The following AKAP13 variants were observed in gnomAD, a reference collection of about 807,000 sequenced individuals.
AKAP13 encodes the protein A-kinase anchor protein 13.
AKAP13 carries 80 observed loss-of-function variants against 264.5 expected under a neutral mutation model. That is an observed-to-expected ratio of 0.30 (90% CI 0.25 to 0.36). The LOEUF (loss-of-function observed/expected upper bound fraction) is 0.36. Among genes scored for constraint, AKAP13 ranks in the 10% least tolerant of loss-of-function variants. The pLI, the probability that AKAP13 is intolerant of heterozygous loss-of-function variation, is 1.00. For missense variants in AKAP13, 3,712 were observed against 3,435.2 expected, an observed-to-expected ratio of 1.08 and a Z score of -2.01; for synonymous variants, 1,380 against 1,250.2, an observed-to-expected ratio of 1.10 and a Z score of -2.19.
chr15:85,633,979 A>G (rs1270253603), intron 8 of AKAP13, among the ~76,000 whole-genome samples: 2 of 152,128 alleles, frequency 1.3e-5, no homozygotes, highest in Non-Finnish European at 2.9e-5. Context: ...GATATTTTTA[A>G]ATATGTGTAA....
chr15:85,467,427 C>T (rs565796167), intron 1 of AKAP13, among the ~76,000 whole-genome samples: 1 of 152,140 alleles, frequency 6.6e-6, no homozygotes, highest in South Asian at 2.1e-4. Flanking sequence ...ATTAATTGTT[C>T]CTTTAAAGAG....
rs949980581 is a variant in AKAP13 at position 85,744,992 on chromosome 15, C to T, written c.*315C>T. On this transcript the variant is annotated 3_prime_UTR_variant, in exon 37 of 37. Coordinates refer to ENST00000394518, the MANE Select transcript of AKAP13 (RefSeq NM_007200.5). The stretch of plus-strand genomic sequence containing the variant: ...ATGGTTTTGGACACGTCAGGAATTC[C>T]TAAAGGCTGAAAGAGTGTATCCAAG... The T allele has an allele frequency of 1.5e-5, 4 of 265,676 alleles. No homozygotes were observed. The highest frequency in any genetic ancestry group is 8.9e-5 in the African/African-American group (4 of 44,836). 16.5% of individuals were successfully genotyped at this position (265,676 alleles called of 1,614,324 possible).
chr15:85,401,751 TG>T (rs2071429586), intron 1 of AKAP13, among the ~76,000 whole-genome samples: 1 of 152,262 alleles, frequency 6.6e-6, no homozygotes, highest in Admixed American at 6.5e-5. Context: ...CTTAGGGATC[TG>T]GGATAAACAA....
At chr15:85,506,606 CA>C (rs1316224425) in intron 2 of AKAP13, among the ~76,000 whole-genome samples, 3 of 151,984 alleles carry the variant, frequency 2.0e-5, no homozygotes, top group Admixed American at 6.5e-5. Flanking sequence ...AAAAATAAAG[CA>C]GGGCAAGATA....
At position 85,440,222 on chromosome 15, in the gene AKAP13, G is replaced by A. The variant is rs573651627; in HGVS notation, c.-11-45488G>A. On this transcript the variant is annotated intron_variant, in intron 1 of 36. Transcript: ENST00000394518. ...CACACAATGGTCATCTCCTCCCTTT[G>A]CCTTTTCTTTTGACCATGACTAGCA... Among the ~76,000 whole-genome samples the A allele has an allele frequency of 1.7e-3, 253 of 152,120 alleles. 2 individuals are homozygous for A. Among genetic ancestry groups the A allele is most frequent in the African/African-American group, 5.8e-3 (242 of 41,504 alleles).
intron 4 of AKAP13, among the ~76,000 whole-genome samples, chr15:85,539,841 G>A (rs1339961920): frequency 1.3e-5 from 2 of 152,152 alleles, no homozygotes; most frequent in Non-Finnish European, 2.9e-5. Context: ...TAACATTACA[G>A]CATAAAGAAA....
At chr15:85,612,831 AAAAAG>A (rs2080716934) in intron 8 of AKAP13, among the ~76,000 whole-genome samples, 6 of 132,140 alleles carry the variant, frequency 4.5e-5, no homozygotes, top group South Asian at 2.5e-4. Context: ...CTCACAAAAA[AAAAAG>A]AAAAAAAGAA....
intron 6 of AKAP13, among the ~76,000 whole-genome samples, chr15:85,575,652 A>G (rs1441330182): frequency 6.6e-6 from 1 of 152,036 alleles, no homozygotes; most frequent in Non-Finnish European, 1.5e-5. Flanking sequence ...AGATCACGCC[A>G]TTGCACTCTA....
Position 85,710,298 on chromosome 15 carries a change from A to G in AKAP13, c.5533-281A>G, listed in dbSNP as rs2086569037. Reference sequence around the variant, plus strand: ...GAGGAGAGAAGCTATAGATGGCTTTACCAAGGAGGCAACCCTTAAATCGTC... The same window carrying G: ...GAGGAGAGAAGCTATAGATGGCTTTGCCAAGGAGGCAACCCTTAAATCGTC... On this transcript the variant is annotated intron_variant, in intron 18 of 36. Transcript: ENST00000394518. The G allele has an allele frequency of 1.1e-5, 3 of 280,484 alleles. No individual in the cohort carries two copies. The South Asian group carries it at 2.5e-4, about 23-fold the overall frequency. The allele number at this position is 280,484 out of a possible 1,614,324, so 17.4% of individuals were successfully genotyped here.
chr15:85,741,737 AAAAAC>A (rs1411491259), intron 35 of AKAP13, among the ~76,000 whole-genome samples: 47 of 150,272 alleles, frequency 3.1e-4, no homozygotes, highest in Non-Finnish European at 6.1e-4. Context: ...AACAAAAAAA[AAAAAC>A]AGTTTTTAAG....
At chr15:85,416,572 C>T (rs1250027596) in intron 1 of AKAP13, among the ~76,000 whole-genome samples, 3 of 152,178 alleles carry the variant, frequency 2.0e-5, no homozygotes, top group African/African-American at 7.2e-5. Flanking sequence ...TAATTTCTTC[C>T]ATGGCTAACT....
Position 85,581,378 on chromosome 15 carries a change from A to C in AKAP13, c.3310A>C (p.Arg1104=), listed in dbSNP as rs772889442. ...TGCTCTACAAGGTATGGCTGAGCCC[A>C]GAAGAGAGAATATATCACACAACAC... is the stretch of plus-strand genomic sequence containing the variant. ...VNALQGMAEP[R]RENISHNTQD... The change falls in exon 7 of 37, where the codon AGA becomes CGA. Residue 1104 remains arginine (R), a synonymous_variant. Transcript: ENST00000394518. 5.6e-6 allele frequency: 9 copies of C among 1,614,136 alleles called. No homozygotes were observed. The African/African-American group carries it at 8.0e-5, about 14-fold the overall frequency.
chr15:85,683,712 G>C (rs968625551), intron 15 of AKAP13: 3 of 152,048 alleles, frequency 2.0e-5, no homozygotes, highest in African/African-American at 7.3e-5. Context: ...CTCGTGATCC[G>C]CCCACCTCGG....
intron 9 of AKAP13, 42 bp from the exon 10 acceptor site, chr15:85,645,776 T>C: frequency 8.6e-7 from 1 of 1,158,746 alleles, no homozygotes; most frequent in Non-Finnish European, 1.1e-6. Context: ...GGTTTTTTTG[T>C]TTTTTTTTTT....
intron 6 of AKAP13, among the ~76,000 whole-genome samples, chr15:85,575,855 G>A (rs953210360): frequency 1.1e-4 from 17 of 152,194 alleles, no homozygotes; most frequent in African/African-American, 1.7e-4. Flanking sequence ...GCATGGTGGC[G>A]TACGCCTATA....
At position 85,693,080 on chromosome 15, in the gene AKAP13, G is replaced by A. The variant is rs572328527; in HGVS notation, c.5290-197G>A. 5.8e-5 allele frequency: 55 copies of A among 954,280 alleles called. 1 individual carries two copies. In the South Asian group the frequency reaches 1.1e-3, roughly 19 times the overall value. 59.1% of individuals were successfully genotyped at this position (954,280 alleles called of 1,614,324 possible). On this transcript the variant is annotated intron_variant, in intron 16 of 36. Transcript: ENST00000394518. The stretch of plus-strand genomic sequence containing the variant: ...TGTTCCGCCTGCCCAGTTTTCGTGT[G>A]AATTTTCTAATGTAGCTTGCGTGCC...
intron 16 of AKAP13, among the ~76,000 whole-genome samples, chr15:85,692,036 C>T (rs1488210060): frequency 1.3e-5 from 2 of 152,076 alleles, no homozygotes; most frequent in Non-Finnish European, 2.9e-5. Flanking sequence ...TGGTATCTAG[C>T]TTGAGGAACA....
chr15:85,512,056 T>C (rs2076442880), intron 2 of AKAP13, among the ~76,000 whole-genome samples: 2 of 152,142 alleles, frequency 1.3e-5, no homozygotes, highest in African/African-American at 4.8e-5. Flanking sequence ...CTTTTTTTTT[T>C]TCTTCGTCGC....
chr15:85,693,943 C>T (rs1481030901), intron 17 of AKAP13, among the ~76,000 whole-genome samples: 2 of 152,178 alleles, frequency 1.3e-5, no homozygotes. Flanking sequence ...TATTTAAATG[C>T]ATTTTTGACT....
Sources: gnomAD v4.1 joint callset for allele counts (sites outside exome capture counted in the v4.1 genomes callset) on GRCh38, gnomAD v4.1.1 for gene constraint, MANE v1.5 for transcripts, NCBI Gene and HGNC (gene_info 2026-07-23, HGNC 2026-07-21) for gene names.